Variants in DENND3 observed in about 807,000 individuals in gnomAD.
The protein encoded by DENND3 is DENN domain containing 3.
In DENND3, 88 loss-of-function variants were observed where a neutral mutation model predicts 135.1. The ratio of observed to expected loss-of-function variants is 0.65; its 90% CI spans 0.55 to 0.78. The LOEUF (loss-of-function observed/expected upper bound fraction) is 0.78, where lower values mean the gene tolerates loss of function less well. Among genes scored for constraint, DENND3 ranks in the 30% least tolerant of loss-of-function variants. The pLI, the probability that DENND3 is intolerant of heterozygous loss-of-function variation, is 0.00. For missense variants in DENND3, 1,392 were observed against 1,688.4 expected, an observed-to-expected ratio of 0.82 and a Z score of 3.08; for synonymous variants, 693 against 712.3, an observed-to-expected ratio of 0.97 and a Z score of 0.43.
chr8:141,176,939 AC>A (rs1013310349), intron 15 of DENND3, 178 bp downstream of exon 15: 9 of 676,032 alleles, frequency 1.3e-5, no homozygotes, highest in Non-Finnish European at 1.9e-5. Context: ...GGTCTGTGTG[AC>A]CCAGCGAGAG....
intron 5 of DENND3, among the ~76,000 whole-genome samples, chr8:141,149,439 G>A (rs1229959846): frequency 2.6e-5 from 4 of 152,198 alleles, no homozygotes; most frequent in Non-Finnish European, 4.4e-5. Context: ...TCTAAATAAA[G>A]ACCCAAAGCA....
chr8:141,148,200 C>T (rs1818385756), intron 5 of DENND3, among the ~76,000 whole-genome samples: 1 of 152,092 alleles, frequency 6.6e-6, no homozygotes, highest in African/African-American at 2.4e-5. Flanking sequence ...GTGCGTTCCT[C>T]ATTACTTCTG....
At chr8:141,190,132 T>G in intron 19 of DENND3, 152 bp from the exon 20 acceptor site, 1 of 1,037,320 alleles carries the variant, frequency 9.6e-7, no homozygotes, top group Non-Finnish European at 1.3e-6. Context: ...CGTTTGCAGG[T>G]TATTATGTTT....
chr8:141,177,279 T>C (rs937752149), intron 15 of DENND3: 1 of 154,888 alleles, frequency 6.5e-6, no homozygotes, highest in Non-Finnish European at 1.4e-5. Context: ...AAATGACAAT[T>C]GCATAGTAAT....
At chr8:141,169,216 C>T (rs950692525) in intron 13 of DENND3, among the ~76,000 whole-genome samples, 5 of 152,242 alleles carry the variant, frequency 3.3e-5, no homozygotes, top group Admixed American at 6.5e-5. Context: ...TGAGGTAAGC[C>T]GCCAGCAGGT....
Position 141,141,485 on chromosome 8 carries a change from T to G in DENND3, c.623+161T>G. The stretch of plus-strand genomic sequence containing the variant: ...GCGCTGGGGGCAGTAGGAGGGGCAG[T>G]TCTCTGTGCCTCTTAGGCTGTTGCT... On this transcript the variant is annotated intron_variant, in intron 4 of 22. Coordinates refer to ENST00000519811, the MANE Select transcript of DENND3 (RefSeq NM_001352890.3). This position sits in a 1 kb window ranked among gnomAD's most constrained non-coding sequence, Gnocchi z 5.3. 2 of 772,246 alleles carry G rather than the reference T, an allele frequency of 2.6e-6. No homozygotes were observed. Among genetic ancestry groups the G allele is most frequent in the East Asian group, 3.0e-5 (1 of 33,894 alleles). The allele number at this position is 772,246 out of a possible 1,614,324, so 47.8% of individuals were successfully genotyped here.
intron 9 of DENND3, among the ~76,000 whole-genome samples, chr8:141,161,051 GCTGGTGACTGTGCCTTACTA>G (rs1820071334): frequency 8.5e-6 from 1 of 117,374 alleles, no homozygotes; most frequent in African/African-American, 3.5e-5. Context: ...AGCTTCTCCT[GCTGGTGACTGTGCCTTACTA>G]CCTTACTAAC....
rs1016290156 is a variant in DENND3, at chr8:141,193,807, C to T, written c.3637-226C>T. On this transcript the variant is annotated intron_variant, in intron 22 of 22. Coordinates refer to ENST00000519811, the MANE Select transcript of DENND3 (RefSeq NM_001352890.3). ...GATGCACCCCAGCACTTTTCCAGCA[C>T]GCAGTGCAGTCTTCTTCCCCAGAGG... is the stretch of plus-strand genomic sequence containing the variant. 113 of 590,660 alleles carry T rather than the reference C, an allele frequency of 1.9e-4. 1 individual carries two copies. Among genetic ancestry groups the T allele is most frequent in the Admixed American group, 7.7e-4 (26 of 33,686 alleles). 36.6% of individuals were successfully genotyped at this position (590,660 alleles called of 1,614,324 possible). A position where few individuals can be genotyped will look rare whatever the true frequency, so the allele number is the denominator to read the frequency against.
Position 141,141,212 on chromosome 8 carries a change from T to C in DENND3, c.511T>C (p.Cys171Arg), listed in dbSNP as rs752371288. The C allele has an allele frequency of 4.3e-6, 7 of 1,614,102 alleles. No individual in the cohort carries two copies. In the Admixed American group the frequency reaches 5.0e-5, roughly 12 times the overall value. Residue 171 changes from cysteine (C) to arginine (R), a missense_variant, in exon 4 of 23, where the codon TGT becomes CGT. Coordinates refer to ENST00000519811, the MANE Select transcript of DENND3 (RefSeq NM_001352890.3). This position sits in a 1 kb window ranked among gnomAD's most constrained non-coding sequence, Gnocchi z 5.3. ...QYYRPLHDEY[C>R]FYNGKTHREC... ...GTTGCTTTTCATGTAGGATGAGTAC[T>C]GTTTCTACAATGGCAAAACGCACCG... is the stretch of plus-strand genomic sequence containing the variant.
intron 9 of DENND3, among the ~76,000 whole-genome samples, chr8:141,162,455 A>T (rs1174917848): frequency 5.3e-5 from 8 of 152,174 alleles, no homozygotes; most frequent in African/African-American, 1.9e-4. Flanking sequence ...AGAAAATATG[A>T]TTACATATGA....
chr8:141,189,158 T>G lies in DENND3; in HGVS notation c.3245+12T>G. The G allele has an allele frequency of 6.2e-7, 1 of 1,614,136 alleles. No individual in the cohort carries two copies. Among genetic ancestry groups the G allele is most frequent in the Non-Finnish European group, 8.5e-7 (1 of 1,180,004 alleles). On this transcript the variant is annotated intron_variant, in intron 19 of 22. Coordinates refer to ENST00000519811, the MANE Select transcript of DENND3 (RefSeq NM_001352890.3). ...CAGGAGGCACCCAGGTGCAGTAAGCTCTGCTGGGGAGAAGGGACTGTTTGG... is the reference window on the plus strand; with the variant it reads ...CAGGAGGCACCCAGGTGCAGTAAGCGCTGCTGGGGAGAAGGGACTGTTTGG...
intron 7 of DENND3, among the ~76,000 whole-genome samples, chr8:141,152,821 T>C (rs1425047985): frequency 1.3e-5 from 2 of 152,196 alleles, no homozygotes; most frequent in East Asian, 3.9e-4. Flanking sequence ...GAGGAACTGC[T>C]AAGCTGTTTT....
chr8:141,143,965 A>C (rs1817754511), intron 4 of DENND3, 183 bp from the exon 5 acceptor site: 2 of 537,152 alleles, frequency 3.7e-6, no homozygotes, highest in Non-Finnish European at 3.3e-6. Flanking sequence ...CCTGTCAGGC[A>C]CTACCGCAGA....
At chr8:141,150,707 G>A (rs1254046117) in intron 5 of DENND3, 127 bp from the exon 6 acceptor site, 1 of 1,213,714 alleles carries the variant, frequency 8.2e-7, no homozygotes, top group East Asian at 2.6e-5. Context: ...AATTTAACGT[G>A]GCAGCCTGTG....
Position 141,151,723 on chromosome 8 carries a change from G to T in DENND3, c.960G>T (p.Leu320=). 1 of 1,614,186 alleles carries T rather than the reference G, an allele frequency of 6.2e-7. No individual in the cohort carries two copies. The highest frequency in any genetic ancestry group is 8.5e-7 in the Non-Finnish European group (1 of 1,180,038). Residue 320 remains leucine, a synonymous_variant, in exon 7 of 23, where the codon CTG becomes CTT. Transcript: ENST00000519811. ...GCTTCATGGCCTACCTGTATCCGCT[G>T]CAGTGGCAGCACCCCTTCGTGCCCA... The part of the protein sequence containing the change: ...TECFMAYLYP[L]QWQHPFVPIL...
At chr8:141,131,526 C>T (rs1816092473) in intron 1 of DENND3, among the ~76,000 whole-genome samples, 1 of 152,196 alleles carries the variant, frequency 6.6e-6, no homozygotes, top group South Asian at 2.1e-4. Context: ...CCACTGGCCA[C>T]ATGTGGTCAC....
At position 141,182,323 on chromosome 8, in the gene DENND3, C is replaced by A; in HGVS notation, c.2944+1469C>A. 1 of 985,328 alleles carries A rather than the reference C, an allele frequency of 1.0e-6. No homozygotes were observed. Among genetic ancestry groups the A allele is most frequent in the South Asian group, 4.7e-5 (1 of 21,276 alleles). The allele number at this position is 985,328 out of a possible 1,614,324, so 61.0% of individuals were successfully genotyped here. A position where few individuals can be genotyped will look rare whatever the true frequency, so the allele number is the denominator to read the frequency against. On this transcript the variant is annotated intron_variant, in intron 17 of 22. Coordinates refer to ENST00000519811, the MANE Select transcript of DENND3 (RefSeq NM_001352890.3). The surrounding 1 kb of genome is among the most constrained non-coding windows in gnomAD (Gnocchi z 5.9). ...GAGTTTTTCTCTCTTCATGGCAGGC[C>A]AAGAAACCCAGGAACGCGATAGACC...
At chr8:141,149,153 G>A (rs866294020) in intron 5 of DENND3, among the ~76,000 whole-genome samples, 1 of 152,002 alleles carries the variant, frequency 6.6e-6, no homozygotes, top group Admixed American at 6.6e-5. Flanking sequence ...CAGGTGATCC[G>A]CCCGCCTCAG....
intron 17 of DENND3, among the ~76,000 whole-genome samples, chr8:141,183,726 TTTTTGTTTTG>T (rs1418019590): frequency 2.1e-5 from 3 of 146,308 alleles, no homozygotes; most frequent in African/African-American, 8.1e-5. Flanking sequence ...CACTGTCAGT[TTTTTGTTTTG>T]TTTTTTTTTT....
Sources: gnomAD v4.1 joint callset for allele counts (sites outside exome capture counted in the v4.1 genomes callset) on GRCh38, gnomAD v4.1.1 for gene constraint, Gnocchi (gnomAD v3.1) non-coding constraint, MANE v1.5 for transcripts, NCBI Gene and HGNC (gene_info 2026-07-23, HGNC 2026-07-21) for gene names.